Variants in DNAJC2 observed in about 807,000 individuals in gnomAD.
DNAJC2 encodes DnaJ heat shock protein family (Hsp40) member C2.
In DNAJC2, 32 loss-of-function variants were observed where a neutral mutation model predicts 94.0. That is an observed-to-expected ratio of 0.34 (90% CI 0.26 to 0.46). The LOEUF is 0.46. Ranked by LOEUF, DNAJC2 falls within the 20% of genes least tolerant of loss-of-function variation. The probability of loss-of-function intolerance (pLI) is 1.00; values close to 1 mark genes in which losing one functional copy is unlikely to be tolerated. For missense variants in DNAJC2, 550 were observed against 719.5 expected (o/e 0.76, Z 2.69); for synonymous variants, 210 against 229.7 (o/e 0.91, Z 0.77).
chr7:103,329,022 T>C, intron 3 of DNAJC2: 1 of 1,267,700 alleles, frequency 7.9e-7, no homozygotes, highest in South Asian at 1.3e-5. Context: ...TGAACATCCT[T>C]TTACCACAGC....
chr7:103,317,990 C>T (rs576693384), intron 12 of DNAJC2, among the ~76,000 whole-genome samples: 2 of 152,226 alleles, frequency 1.3e-5, no homozygotes, highest in Admixed American at 1.3e-4. Context: ...TAACTAGTTA[C>T]ATCTATCTGA....
chr7:103,341,659 C>T (rs1819378178), intron 2 of DNAJC2, 105 bp downstream of exon 2: 6 of 941,038 alleles, frequency 6.4e-6, no homozygotes, highest in Non-Finnish European at 7.9e-6. Flanking sequence ...TCATAGTTAT[C>T]TTGCTGAATC....
intron 1 of DNAJC2, among the ~76,000 whole-genome samples, chr7:103,344,094 G>A (rs1436850904): frequency 6.6e-6 from 1 of 152,212 alleles, no homozygotes; most frequent in Admixed American, 6.5e-5. Context: ...CGAGTATGAG[G>A]AGCGGTGTCT....
At chr7:103,320,232 G>A (rs905626217) in intron 10 of DNAJC2, among the ~76,000 whole-genome samples, 7 of 151,854 alleles carry the variant, frequency 4.6e-5, no homozygotes, top group Non-Finnish European at 1.0e-4. Context: ...GGAATTACAG[G>A]CGCCTGCCAC....
chr7:103,336,324 G>C (rs527325415), intron 3 of DNAJC2: 1 of 152,236 alleles, frequency 6.6e-6, no homozygotes, highest in East Asian at 1.9e-4. Context: ...TCTGTACTAA[G>C]ACATATTTGG....
At chr7:103,313,413 T>A in intron 15 of DNAJC2, 2 of 984,046 alleles carry the variant, frequency 2.0e-6, no homozygotes, top group Non-Finnish European at 2.4e-6. Flanking sequence ...ATATTTAAAT[T>A]TATAGTACTG....
chr7:103,315,372 A>T (rs1369385177), intron 15 of DNAJC2, among the ~76,000 whole-genome samples: 2 of 152,176 alleles, frequency 1.3e-5, no homozygotes, highest in African/African-American at 4.8e-5. Context: ...TACAGACATG[A>T]TGCCTCTTTA....
chr7:103,329,103 C>A, intron 3 of DNAJC2: 1 of 608,576 alleles, frequency 1.6e-6, no homozygotes, highest in Non-Finnish European at 2.4e-6. Context: ...TTTTGTTTTT[C>A]ATCCTTTAAC....
intron 16 of DNAJC2, 104 bp from the exon 17 acceptor site, chr7:103,312,747 T>C: frequency 3.9e-6 from 6 of 1,539,036 alleles, no homozygotes; most frequent in Non-Finnish European, 5.2e-6. Flanking sequence ...TAGATAGTAC[T>C]AAATATACTG....
intron 15 of DNAJC2, chr7:103,314,155 T>C: frequency 1.0e-6 from 1 of 985,468 alleles, no homozygotes; most frequent in Non-Finnish European, 1.2e-6. Flanking sequence ...GGAAGTCTTT[T>C]GTTGAATTTC....
intron 2 of DNAJC2, among the ~76,000 whole-genome samples, chr7:103,339,967 T>C (rs1449094266): frequency 1.3e-5 from 2 of 152,160 alleles, no homozygotes; most frequent in Non-Finnish European, 2.9e-5. Flanking sequence ...GCCTCCCAAG[T>C]AGCTGCGATT....
At chr7:103,316,544 C>A in intron 13 of DNAJC2, 1 of 334,666 alleles carries the variant, frequency 3.0e-6, no homozygotes, top group Non-Finnish European at 5.4e-6. Context: ...AAACCTAATC[C>A]CTAGAACAAG....
chr7:103,313,440 A>C (rs953141373), intron 15 of DNAJC2: 2 of 984,226 alleles, frequency 2.0e-6, no homozygotes, highest in Non-Finnish European at 1.2e-6. Flanking sequence ...TCTTGGACTC[A>C]AAAACACAAC....
rs751894748 is a variant in DNAJC2 at position 103,322,725 on chromosome 7, C to A, written c.789G>T (p.Met263Ile). 6.2e-7 allele frequency: 1 copy of A among 1,612,056 alleles called. No homozygotes were observed. Among genetic ancestry groups the A allele is most frequent in the South Asian group, 1.1e-5 (1 of 91,048 alleles). ...TACCAACTAATGTTCTTATTCTGTT[C>A]ATTTCTTCTTTTTTTCTTTGTGCTC... ...ATRAQRKKEE[M>I]NRIRTLVDNA... is the part of the protein sequence containing the mutation. Residue 263 changes from methionine to isoleucine, a missense_variant, in exon 8 of 17, where the codon ATG becomes ATT. Physicochemically the swap from Met to Ile is conservative, Grantham distance 10. Around this residue, in one of 2 missense-constraint regions of DNAJC2, gnomAD observed 279 missense variants for 416.9 expected, o/e 0.67. Coordinates refer to ENST00000379263, the MANE Select transcript of DNAJC2 (RefSeq NM_014377.3).
At chr7:103,330,640 C>G (rs1268928336) in intron 3 of DNAJC2, among the ~76,000 whole-genome samples, 3 of 151,848 alleles carry the variant, frequency 2.0e-5, no homozygotes, top group Non-Finnish European at 4.4e-5. Context: ...TTAGTAGAGA[C>G]AGGGTTTCAC....
intron 15 of DNAJC2, chr7:103,313,425 T>C: frequency 1.0e-6 from 1 of 982,824 alleles, no homozygotes; most frequent in Non-Finnish European, 1.2e-6. Context: ...ATAGTACTGT[T>C]GGACTCTTGG....
chr7:103,324,496 T>C lies in DNAJC2; in HGVS notation c.639A>G (p.Ile213Met), dbSNP rs751387918. ...TATTCACTTACCAGAAAGAATAAAATATATCTACATCTTCAAATGATGAAT... is the reference window on the plus strand; with the variant it reads ...TATTCACTTACCAGAAAGAATAAAACATATCTACATCTTCAAATGATGAAT... ...DMNSSFEDVD[I>M]FYSFWYNFDS... Residue 213 changes from isoleucine to methionine, a missense_variant, in exon 6 of 17, where the codon ATA (isoleucine) becomes ATG (methionine). Coordinates refer to ENST00000379263, the MANE Select transcript of DNAJC2 (RefSeq NM_014377.3). 3.3e-6 allele frequency: 5 copies of C among 1,497,256 alleles called. No homozygotes were observed. The Admixed American group carries it at 1.2e-4, about 36-fold the overall frequency. 92.7% of individuals were successfully genotyped at this position (1,497,256 alleles called of 1,614,324 possible).
In DNAJC2 at chr7:103,344,662, G is replaced by T; in HGVS notation, c.-40C>A. The T allele has an allele frequency of 6.3e-7, 1 of 1,598,536 alleles. No individual in the cohort carries two copies. The highest frequency in any genetic ancestry group is 1.1e-5 in the South Asian group (1 of 90,858). On this transcript the variant is annotated 5_prime_UTR_variant, in exon 1 of 17. Coordinates refer to ENST00000379263, the MANE Select transcript of DNAJC2 (RefSeq NM_014377.3). ...TAGCCCGGTGGGCGCAGCGGCTCAC[G>T]TCCCGGGCGGAGGGCGCTTAGGGTC...
At chr7:103,316,741 T>C in intron 13 of DNAJC2, 89 bp downstream of exon 13, 1 of 1,103,286 alleles carries the variant, frequency 9.1e-7, no homozygotes, top group Non-Finnish European at 1.3e-6. Context: ...TGCAAGTTTC[T>C]GTGATAACAA....
Sources: gnomAD v4.1 joint callset for allele counts (sites outside exome capture counted in the v4.1 genomes callset) on GRCh38, gnomAD v4.1.1 for gene constraint, gnomAD v4.1.1 regional missense constraint, MANE v1.5 for transcripts, NCBI Gene and HGNC (gene_info 2026-07-23, HGNC 2026-07-21) for gene names.